The following VTI1A variants were observed in gnomAD, a reference collection of about 807,000 sequenced individuals.
The protein encoded by VTI1A is vesicle transport through interaction with t-SNAREs homolog 1A.
In VTI1A, 22 loss-of-function variants were observed where a neutral mutation model predicts 34.9. The ratio of observed to expected loss-of-function variants is 0.63; its 90% CI spans 0.45 to 0.90. The LOEUF is 0.90. Ranked by LOEUF, VTI1A falls within the 40% of genes least tolerant of loss-of-function variation. VTI1A has a pLI of 0.00. For missense variants in VTI1A, 268 were observed against 275.6 expected (o/e 0.97, Z 0.20); for synonymous variants, 87 against 97.3 (o/e 0.89, Z 0.62).
intron 7 of VTI1A, among the ~76,000 whole-genome samples, chr10:112,780,390 G>A (rs935708762): frequency 1.3e-5 from 2 of 151,976 alleles, no homozygotes; most frequent in African/African-American, 4.8e-5. Flanking sequence ...TGATCTTGGT[G>A]GAAAAGGCAT....
rs147876641 is a variant in VTI1A, at chr10:112,461,000, CACTT to C, written c.153+419_153+422del. On this transcript the variant is annotated intron_variant, in intron 2 of 7. Coordinates refer to ENST00000393077, the MANE Select transcript of VTI1A (RefSeq NM_145206.4). ...GCTATTTGCAAACTCTCAAGTGACT[CACTT>C]GCTTGCTACAGTTTCATAGATGACT... Among the ~76,000 whole-genome samples the C allele has an allele frequency of 7.4e-3, 1,133 of 152,308 alleles. 13 individuals carry two copies. The highest frequency in any genetic ancestry group is 0.025 in the African/African-American group (1,040 of 41,558).
chr10:112,804,258 G>T (rs1564931901), intron 7 of VTI1A, among the ~76,000 whole-genome samples: 1 of 152,334 alleles, frequency 6.6e-6, no homozygotes, highest in East Asian at 1.9e-4. Context: ...ATGAGGCCCA[G>T]ATGGATACCA....
chr10:112,623,259 G>T (rs963979132), intron 5 of VTI1A, among the ~76,000 whole-genome samples: 11 of 152,066 alleles, frequency 7.2e-5, no homozygotes, highest in Non-Finnish European at 1.5e-4. Flanking sequence ...AGGTTTCTGG[G>T]ATTTTGCTTT....
intron 5 of VTI1A, among the ~76,000 whole-genome samples, chr10:112,619,389 G>A (rs1845643193): frequency 6.6e-6 from 1 of 152,092 alleles, no homozygotes; most frequent in Non-Finnish European, 1.5e-5. Context: ...GGAGGTCTGG[G>A]TGGGGAACAC....
At chr10:112,824,589 G>T in the VTI1A span, 2 of 152,250 alleles carry the variant, frequency 1.3e-5, no homozygotes, top group African/African-American at 4.8e-5. Flanking sequence ...ACCACTTCTG[G>T]GTCCAGATGG....
intron 5 of VTI1A, among the ~76,000 whole-genome samples, chr10:112,620,213 TTGTTAC>T (rs201956610): frequency 0.026 from 4,012 of 152,302 alleles, 174 homozygotes; most frequent in African/African-American, 0.093. Context: ...TGGGGTATTA[TTGTTAC>T]TGATCATTGA....
At chr10:112,490,507 T>G (rs1021229257) in intron 3 of VTI1A, among the ~76,000 whole-genome samples, 5 of 152,178 alleles carry the variant, frequency 3.3e-5, no homozygotes, top group African/African-American at 1.2e-4. Flanking sequence ...TGTGTAGGAG[T>G]TGTATTAAAA....
chr10:112,723,553 G>A (rs746541823), intron 7 of VTI1A, among the ~76,000 whole-genome samples: 23 of 152,120 alleles, frequency 1.5e-4, no homozygotes, highest in African/African-American at 2.9e-4. Context: ...TACTGCATGC[G>A]GCAGGCTGAC....
At chr10:112,851,593 G>A in the VTI1A span, among the ~76,000 whole-genome samples, 1 of 152,186 alleles carries the variant, frequency 6.6e-6, no homozygotes, top group Non-Finnish European at 1.5e-5. Flanking sequence ...ACATCAATTA[G>A]TGAGCACACC....
At chr10:112,721,024 A>G (rs1161099056) in intron 7 of VTI1A, among the ~76,000 whole-genome samples, 1 of 152,176 alleles carries the variant, frequency 6.6e-6, no homozygotes, top group Non-Finnish European at 1.5e-5. Flanking sequence ...TACTTAACAC[A>G]TATTATTTTC....
chr10:112,492,969 A>G (rs1848886318), intron 3 of VTI1A, among the ~76,000 whole-genome samples: 1 of 152,160 alleles, frequency 6.6e-6, no homozygotes, highest in Non-Finnish European at 1.5e-5. Flanking sequence ...TCGTACTCCC[A>G]TTCCATGTGA....
intron 7 of VTI1A, among the ~76,000 whole-genome samples, chr10:112,683,580 A>G (rs926056642): frequency 3.3e-5 from 5 of 152,200 alleles, no homozygotes; most frequent in South Asian, 2.1e-4. Flanking sequence ...GAAGCAAGCT[A>G]TTCCTTTGAC....
rs1011878108 is a variant in VTI1A, at chr10:112,487,381, C to G, written c.264+22724C>G. On this transcript the variant is annotated intron_variant, in intron 3 of 7. Transcript: ENST00000393077. Reference sequence around the variant, plus strand: ...TCAAATGATCCACCTGCCTCAGCCTCCCAAAGTGCTGGGCTTACAGGTGTG... The same window carrying G: ...TCAAATGATCCACCTGCCTCAGCCTGCCAAAGTGCTGGGCTTACAGGTGTG... Among the ~76,000 whole-genome samples, 13 of 152,198 alleles carry G rather than the reference C, an allele frequency of 8.5e-5. 1 individual carries two copies. Among genetic ancestry groups the G allele is most frequent in the Admixed American group, 7.2e-4 (11 of 15,286 alleles).
intron 3 of VTI1A, among the ~76,000 whole-genome samples, chr10:112,471,695 A>G (rs1054723572): frequency 2.0e-5 from 3 of 152,192 alleles, no homozygotes; most frequent in Admixed American, 6.5e-5. Context: ...AAAAAAAATT[A>G]GAATTCCTGT....
intron 7 of VTI1A, chr10:112,737,539 C>T (rs997777405): frequency 9.5e-7 from 1 of 1,050,484 alleles, no homozygotes. Flanking sequence ...TTAGGTACAT[C>T]GTGAGCAAGG....
chr10:112,576,829 C>T (rs773416217), intron 5 of VTI1A, among the ~76,000 whole-genome samples: 17 of 152,106 alleles, frequency 1.1e-4, no homozygotes, highest in Non-Finnish European at 2.1e-4. Flanking sequence ...GTAAGAAATA[C>T]ATTTCACGTC....
intron 5 of VTI1A, among the ~76,000 whole-genome samples, chr10:112,649,795 C>G (rs1846939910): frequency 6.6e-6 from 1 of 152,124 alleles, no homozygotes; most frequent in Non-Finnish European, 1.5e-5. Context: ...TGTTACTGTA[C>G]TGAATACTAT....
At position 112,767,040 on chromosome 10, in the gene VTI1A, T is replaced by C. The variant is rs1851671808; in HGVS notation, c.561-48250T>C. On this transcript the variant is annotated intron_variant, in intron 7 of 7. Coordinates refer to ENST00000393077, the MANE Select transcript of VTI1A (RefSeq NM_145206.4). This position sits in a 1 kb window ranked among gnomAD's most constrained non-coding sequence, Gnocchi z 4.0. ...CCTTCAAAGCAGAGTTTAAAGCCACTGATTTCTTAGCCATGTGAGTTTTTA... is the reference window on the plus strand; with the variant it reads ...CCTTCAAAGCAGAGTTTAAAGCCACCGATTTCTTAGCCATGTGAGTTTTTA... Among the ~76,000 whole-genome samples the C allele has an allele frequency of 6.6e-6, 1 of 152,240 alleles. No homozygotes were observed. The highest frequency in any genetic ancestry group is 2.4e-5 in the African/African-American group (1 of 41,468).
intron 5 of VTI1A, among the ~76,000 whole-genome samples, chr10:112,653,494 A>G (rs1052044996): frequency 1.3e-5 from 2 of 152,228 alleles, no homozygotes; most frequent in African/African-American, 4.8e-5. Context: ...TAATCAGCTT[A>G]GGGATCAATC....
Sources: allele counts gnomAD v4.1 joint callset (sites outside exome capture counted in the v4.1 genomes callset), GRCh38; gene constraint gnomAD v4.1.1; non-coding constraint Gnocchi (gnomAD v3.1); transcripts MANE v1.5; gene names NCBI Gene and HGNC (gene_info 2026-07-23, HGNC 2026-07-21).